PDE1A: variants seen among roughly 807,000 people sequenced by gnomAD.
PDE1A encodes phosphodiesterase 1A, also known as dual specificity calcium/calmodulin-dependent 3',5'-cyclic nucleotide phosphodiesterase 1A.
Under a neutral mutation model 61.7 loss-of-function variants are expected in PDE1A, and 35 were observed. The observed-to-expected ratio is 0.57, with a 90% CI of 0.43 to 0.75. The LOEUF (loss-of-function observed/expected upper bound fraction) is 0.75. Ranked by LOEUF, PDE1A falls within the 30% of genes least tolerant of loss-of-function variation. The probability of loss-of-function intolerance (pLI) is 0.00; values close to 1 mark genes in which losing one functional copy is unlikely to be tolerated. For missense variants in PDE1A, 597 were observed against 630.6 expected, an observed-to-expected ratio of 0.95 and a Z score of 0.57; for synonymous variants, 232 against 213.2, an observed-to-expected ratio of 1.09 and a Z score of -0.77.
chr2:182,574,737 G>C, the PDE1A span, among the ~76,000 whole-genome samples: 2 of 152,148 alleles, frequency 1.3e-5, no homozygotes, highest in Non-Finnish European at 2.9e-5. Flanking sequence ...TGTTGCCTAG[G>C]CTGGAGTGCA....
At chr2:182,383,418 T>C (rs1316289219) in intron 1 of PDE1A, among the ~76,000 whole-genome samples, 1 of 152,202 alleles carries the variant, frequency 6.6e-6, no homozygotes, top group East Asian at 1.9e-4. Context: ...AGGACAGAGA[T>C]AATGTCATAA....
At chr2:182,442,736 T>A (rs541551891) in intron 2 of PDE1A, among the ~76,000 whole-genome samples, 70 of 152,212 alleles carry the variant, frequency 4.6e-4, no homozygotes, top group African/African-American at 1.4e-3. Flanking sequence ...AAAATTTTTT[T>A]AAAACTTGTT....
chr2:182,250,682 A>T (rs1484757930), intron 2 of PDE1A, among the ~76,000 whole-genome samples: 1 of 152,106 alleles, frequency 6.6e-6, no homozygotes, highest in Non-Finnish European at 1.5e-5. Context: ...GTGACTATGA[A>T]GACTGAACTT....
chr2:182,552,295 A>G, the PDE1A span, among the ~76,000 whole-genome samples: 1 of 152,164 alleles, frequency 6.6e-6, no homozygotes, highest in Admixed American at 6.5e-5. Flanking sequence ...ATGTTAGCAT[A>G]AGCAACTCCC....
chr2:182,695,539 C>T, the PDE1A span, among the ~76,000 whole-genome samples: 1 of 151,694 alleles, frequency 6.6e-6, no homozygotes, highest in African/African-American at 2.4e-5. Flanking sequence ...CGGTGGCTGG[C>T]GCCTGTAGTC....
At chr2:182,187,492 G>T (rs1342635690) in intron 11 of PDE1A, among the ~76,000 whole-genome samples, 1 of 152,136 alleles carries the variant, frequency 6.6e-6, no homozygotes, top group African/African-American at 2.4e-5. Flanking sequence ...CCTGAATATA[G>T]GAGAATAGCT....
the PDE1A span, among the ~76,000 whole-genome samples, chr2:182,687,556 A>G: frequency 4.4e-4 from 67 of 152,340 alleles, no homozygotes; most frequent in African/African-American, 1.5e-3. Context: ...CAAAGACCAA[A>G]GGTAGATAAA....
At chr2:182,700,928 A>C in the PDE1A span, among the ~76,000 whole-genome samples, 1 of 151,952 alleles carries the variant, frequency 6.6e-6, no homozygotes, top group African/African-American at 2.4e-5. Flanking sequence ...CACACACGCA[A>C]AAAAAGTAAT....
At chr2:182,395,337 G>A (rs1043488955) in intron 1 of PDE1A, among the ~76,000 whole-genome samples, 17 of 152,100 alleles carry the variant, frequency 1.1e-4, no homozygotes, top group Admixed American at 7.2e-4. Context: ...CCATTATATC[G>A]ATGACAGTAT....
At chr2:182,225,874 T>G (rs1689101263) in intron 6 of PDE1A, among the ~76,000 whole-genome samples, 1 of 149,954 alleles carries the variant, frequency 6.7e-6, no homozygotes, top group Admixed American at 6.6e-5. Flanking sequence ...GAAATAATTT[T>G]CAGAGCCAAA....
At chr2:182,563,268 T>C in the PDE1A span, among the ~76,000 whole-genome samples, 3 of 152,196 alleles carry the variant, frequency 2.0e-5, no homozygotes, top group African/African-American at 4.8e-5. Flanking sequence ...TTTGTTCTCG[T>C]TGGTTTCAAG....
chr2:182,643,363 A>G, the PDE1A span, among the ~76,000 whole-genome samples: 1 of 152,100 alleles, frequency 6.6e-6, no homozygotes, highest in African/African-American at 2.4e-5. Context: ...CCTAGGTCTC[A>G]TGTTTTTCTC....
intron 1 of PDE1A, among the ~76,000 whole-genome samples, chr2:182,415,456 T>C (rs367765875): frequency 3.9e-5 from 6 of 152,160 alleles, no homozygotes; most frequent in African/African-American, 1.4e-4. Flanking sequence ...ATTTTAATCA[T>C]TTCTATTAAT....
Position 182,378,478 on chromosome 2 carries a change from T to C in PDE1A, c.53+48100A>G, listed in dbSNP as rs181503770. Among the ~76,000 whole-genome samples, 26 of 152,344 alleles carry C rather than the reference T, an allele frequency of 1.7e-4. No homozygotes were observed. In the East Asian group the frequency reaches 4.6e-3, roughly 27 times the overall value. ...CTAAGTACTTAAGACCTGTGTTATATAGTATATAAATTACACCTCAATTAA... is the reference window on the plus strand; with the variant it reads ...CTAAGTACTTAAGACCTGTGTTATACAGTATATAAATTACACCTCAATTAA... On this transcript the variant is annotated intron_variant, in intron 1 of 13. Coordinates refer to ENST00000351439, the Ensembl canonical transcript of PDE1A.
rs184885398 is a variant in PDE1A at position 182,207,834 on chromosome 2, G to T, written c.777-1769C>A. 1.7e-4 allele frequency among the ~76,000 whole-genome samples: 26 copies of T among 152,330 alleles called. No homozygotes were observed. The East Asian group carries it at 5.0e-3, about 29-fold the overall frequency. ...GCTCTGTGCACGCATCCTGGACATT[G>T]TGCCCTGCATCCCAGCTGCTCTAGC... On this transcript the variant is annotated intron_variant, in intron 7 of 13. Coordinates refer to ENST00000351439, the Ensembl canonical transcript of PDE1A.
intron 1 of PDE1A, among the ~76,000 whole-genome samples, chr2:182,379,448 T>G (rs754118123): frequency 6.6e-6 from 1 of 152,196 alleles, no homozygotes; most frequent in Non-Finnish European, 1.5e-5. Flanking sequence ...CTGCAGATCT[T>G]TTTTCTTCAA....
chr2:182,679,067 T>C, the PDE1A span, among the ~76,000 whole-genome samples: 613 of 149,522 alleles, frequency 4.1e-3, 3 homozygotes, highest in African/African-American at 0.014. Flanking sequence ...TGCAGTGGTG[T>C]GATCTTGGCT....
At chr2:182,453,015 A>G (rs1330428581) in intron 2 of PDE1A, among the ~76,000 whole-genome samples, 2 of 152,178 alleles carry the variant, frequency 1.3e-5, no homozygotes, top group Non-Finnish European at 2.9e-5. Flanking sequence ...CTGACCTATT[A>G]GAAAACCTTT....
the PDE1A span, among the ~76,000 whole-genome samples, chr2:182,539,747 T>G: frequency 6.6e-6 from 1 of 152,246 alleles, no homozygotes. Flanking sequence ...TAACTGTAGT[T>G]TCAGTGCAAT....
Sources: gnomAD v4.1 joint callset for allele counts (sites outside exome capture counted in the v4.1 genomes callset) on GRCh38, gnomAD v4.1.1 for gene constraint, MANE v1.5 for transcripts, NCBI Gene and HGNC (gene_info 2026-07-23, HGNC 2026-07-21) for gene names.